IFT52: variants seen among roughly 807,000 people sequenced by gnomAD.
The protein encoded by IFT52 is intraflagellar transport protein 52 homolog.
A neutral mutation model predicts 54.4 loss-of-function variants in IFT52; 44 were observed. The observed-to-expected ratio is 0.81, with a 90% CI of 0.63 to 1.04. The LOEUF (loss-of-function observed/expected upper bound fraction) is 1.04, where lower values mean the gene tolerates loss of function less well. IFT52 is among the 50% of genes least tolerant of loss of function. The probability of loss-of-function intolerance (pLI) is 0.00; values close to 1 mark genes in which losing one functional copy is unlikely to be tolerated. For missense variants in IFT52, 452 were observed against 523.6 expected, an observed-to-expected ratio of 0.86 and a Z score of 1.33; for synonymous variants, 181 against 185.3, an observed-to-expected ratio of 0.98 and a Z score of 0.19.
intron 6 of IFT52, among the ~76,000 whole-genome samples, chr20:43,610,185 G>A (rs1445666498): frequency 6.0e-5 from 9 of 150,262 alleles, no homozygotes; most frequent in African/African-American, 1.2e-4. Flanking sequence ...CCAGTTACTC[G>A]GGAGGCTGAG....
intron 12 of IFT52, among the ~76,000 whole-genome samples, chr20:43,638,242 G>A (rs929692022): frequency 1.3e-5 from 2 of 151,440 alleles, no homozygotes; most frequent in Admixed American, 6.6e-5. Flanking sequence ...CCAGCCTTGG[G>A]TGCAATAGTG....
At chr20:43,628,187 C>T (rs1371538726) in intron 10 of IFT52, among the ~76,000 whole-genome samples, 1 of 152,076 alleles carries the variant, frequency 6.6e-6, no homozygotes, top group Non-Finnish European at 1.5e-5. Flanking sequence ...CCTCAGCCTC[C>T]CAAAGTGTTG....
At position 43,594,792 on chromosome 20, in the gene IFT52, C is replaced by T. The variant is rs1008437187; in HGVS notation, c.94C>T (p.Leu32Phe). The T allele has an allele frequency of 7.5e-6, 12 of 1,599,378 alleles. 1 individual carries two copies. The highest frequency in any genetic ancestry group is 1.7e-4 in the Middle Eastern group (1 of 6,042). The part of the protein sequence containing the change: ...NNGYKSMQKK[L>F]RSNWKIQSLK... ...TGGCTACAAATCCATGCAGAAAAAA[C>T]TTCGGAGTAATTGGAAGATTCAGAG... The change falls in exon 2 of 14, where the codon CTT becomes TTT. Residue 32 changes from leucine to phenylalanine, a missense_variant. Leu to Phe is a conservative substitution (Grantham distance 22, BLOSUM62 0). Transcript: ENST00000373030.
chr20:43,624,603 T>C (rs1054375624), intron 10 of IFT52, among the ~76,000 whole-genome samples: 4 of 152,114 alleles, frequency 2.6e-5, no homozygotes, highest in African/African-American at 7.2e-5. Flanking sequence ...AGAATGGGAA[T>C]TGGCCTTGAG....
At chr20:43,616,478 C>T (rs755965493) in intron 7 of IFT52, among the ~76,000 whole-genome samples, 17 of 146,818 alleles carry the variant, frequency 1.2e-4, no homozygotes, top group Non-Finnish European at 1.8e-4. Flanking sequence ...CACTGCACTC[C>T]AGCCTGGGCA....
At chr20:43,604,943 T>C in intron 5 of IFT52, 59 bp from the exon 6 acceptor site, 1 of 1,550,180 alleles carries the variant, frequency 6.5e-7, no homozygotes. Context: ...TACTAATGAA[T>C]GCAGTGTGAA....
chr20:43,638,513 A>T (rs1052446996), intron 12 of IFT52, among the ~76,000 whole-genome samples: 8 of 152,130 alleles, frequency 5.3e-5, no homozygotes, highest in Admixed American at 5.2e-4. Context: ...ATTTATTTTT[A>T]AAATACAATA....
chr20:43,607,203 G>C (rs1339189696), intron 6 of IFT52, among the ~76,000 whole-genome samples: 1 of 144,352 alleles, frequency 6.9e-6, no homozygotes, highest in East Asian at 2.1e-4. Context: ...GCGGCTGGCC[G>C]GGCGGGGGGC....
At position 43,603,840 on chromosome 20, in the gene IFT52, C is replaced by CACCA. The variant is rs765845001; in HGVS notation, c.290_293dup (p.Ile99GlnfsTer3). The CACCA allele has an allele frequency of 6.4e-6, 10 of 1,558,484 alleles. No individual in the cohort carries two copies. In the Admixed American group the frequency reaches 6.9e-5, roughly 11 times the overall value. On this transcript the variant is annotated frameshift_variant, in exon 4 of 14. Coordinates refer to ENST00000373030, the MANE Select transcript of IFT52 (RefSeq NM_016004.5). LOFTEE classifies it high-confidence loss of function. Reference sequence around the variant, plus strand: ...GAGAAGGTGGAGAATCCAGATTTGACACCAATATTAACTTTTTACTAGAAG... The same window carrying CACCA: ...GAGAAGGTGGAGAATCCAGATTTGACACCAACCAATATTAACTTTTTACTAGAAG...
At chr20:43,624,073 A>G in intron 10 of IFT52, 28 bp downstream of exon 10, 1 of 1,609,658 alleles carries the variant, frequency 6.2e-7, no homozygotes. Flanking sequence ...TCTGAGCCAC[A>G]CTGCACTCCA....
intron 9 of IFT52, among the ~76,000 whole-genome samples, chr20:43,622,669 TATAA>T (rs1267489939): frequency 2.7e-5 from 4 of 147,596 alleles, no homozygotes; most frequent in African/African-American, 4.9e-5. Context: ...TATATGTAAA[TATAA>T]ATATATACAT....
intron 10 of IFT52, among the ~76,000 whole-genome samples, chr20:43,624,551 A>G (rs1399319949): frequency 1.3e-5 from 2 of 152,182 alleles, no homozygotes; most frequent in African/African-American, 4.8e-5. Flanking sequence ...TAAAGCCGTT[A>G]GGGAAGCCGT....
chr20:43,599,709 A>G (rs1382343106), intron 3 of IFT52, among the ~76,000 whole-genome samples: 1 of 152,192 alleles, frequency 6.6e-6, no homozygotes, highest in Non-Finnish European at 1.5e-5. Flanking sequence ...CTTCTGTGAC[A>G]GGACAGACAT....
chr20:43,620,826 TC>T (rs1231214512), intron 8 of IFT52, 30 bp from the exon 9 acceptor site: 4 of 1,499,942 alleles, frequency 2.7e-6, no homozygotes, highest in Non-Finnish European at 3.7e-6. Flanking sequence ...TAACCAACTG[TC>T]CTAATTATAT....
chr20:43,612,160 A>G (rs1213408081), intron 6 of IFT52, among the ~76,000 whole-genome samples: 1 of 152,104 alleles, frequency 6.6e-6, no homozygotes, highest in Non-Finnish European at 1.5e-5. Context: ...ATAGATGTGC[A>G]TTGACCTCCA....
intron 3 of IFT52, among the ~76,000 whole-genome samples, chr20:43,602,096 C>T (rs1030877885): frequency 6.6e-6 from 1 of 151,930 alleles, no homozygotes; most frequent in African/African-American, 2.4e-5. Flanking sequence ...AGAAAAGAGG[C>T]ATTGGATTAT....
intron 10 of IFT52, among the ~76,000 whole-genome samples, chr20:43,632,606 C>G (rs1436147446): frequency 6.6e-6 from 1 of 152,158 alleles, no homozygotes; most frequent in African/African-American, 2.4e-5. Context: ...TGTGCCTCCC[C>G]TCCCCCTACA....
intron 3 of IFT52, among the ~76,000 whole-genome samples, chr20:43,597,691 C>A (rs769793771): frequency 1.3e-5 from 2 of 151,868 alleles, no homozygotes; most frequent in Non-Finnish European, 2.9e-5. Context: ...GTCAGGAGTT[C>A]GAGACTAGCC....
intron 12 of IFT52, among the ~76,000 whole-genome samples, chr20:43,641,508 G>C (rs1041811936): frequency 2.0e-5 from 3 of 151,120 alleles, no homozygotes; most frequent in African/African-American, 4.9e-5. Context: ...AAAGTGCTGG[G>C]ATTACAGATG....
Sources: allele counts gnomAD v4.1 joint callset (sites outside exome capture counted in the v4.1 genomes callset), GRCh38; gene constraint gnomAD v4.1.1; transcripts MANE v1.5; gene names NCBI Gene and HGNC (gene_info 2026-07-23, HGNC 2026-07-21).